CGGBP1: variants seen among roughly 807,000 people sequenced by gnomAD.
CGGBP1 encodes the protein CGG triplet repeat-binding protein 1.
A neutral mutation model predicts 11.4 loss-of-function variants in CGGBP1; 4 were observed. The observed-to-expected ratio is 0.35, with a 90% CI of 0.17 to 0.80. The LOEUF (loss-of-function observed/expected upper bound fraction) is 0.80. Among genes scored for constraint, CGGBP1 ranks in the 30% least tolerant of loss-of-function variants. The pLI, the probability that CGGBP1 is intolerant of heterozygous loss-of-function variation, is 0.52. For missense variants in CGGBP1, 135 were observed against 202.1 expected (o/e 0.67, Z 2.01); for synonymous variants, 76 against 74.1 (o/e 1.03, Z -0.13).
chr3:88,072,561 T>G (rs1403896588), intron 2 of CGGBP1, among the ~76,000 whole-genome samples: 2 of 152,198 alleles, frequency 1.3e-5, no homozygotes, highest in Admixed American at 1.3e-4. Context: ...CATTTGGATA[T>G]TATATAGTTT....
chr3:88,064,312 TTA>T (rs2107590939), intron 2 of CGGBP1, among the ~76,000 whole-genome samples: 1 of 152,316 alleles, frequency 6.6e-6, no homozygotes, highest in African/African-American at 2.4e-5. Flanking sequence ...AGGGACTATC[TTA>T]CTGTCTCACT....
At chr3:88,097,122 A>C (rs1475040436) in intron 2 of CGGBP1, among the ~76,000 whole-genome samples, 1 of 152,118 alleles carries the variant, frequency 6.6e-6, no homozygotes, top group South Asian at 2.1e-4. Context: ...ACAACCCTTT[A>C]ATGAATTACC....
chr3:88,120,425 T>C (rs1489068346), intron 2 of CGGBP1, among the ~76,000 whole-genome samples: 1 of 152,194 alleles, frequency 6.6e-6, no homozygotes, highest in East Asian at 1.9e-4. Flanking sequence ...TTATTAGGAA[T>C]GGGGAGGGAT....
At chr3:88,094,664 A>G (rs1329436685) in intron 2 of CGGBP1, among the ~76,000 whole-genome samples, 1 of 152,080 alleles carries the variant, frequency 6.6e-6, no homozygotes, top group Non-Finnish European at 1.5e-5. Context: ...TTATTCTTTA[A>G]AAGTTATTCT....
intron 2 of CGGBP1, among the ~76,000 whole-genome samples, chr3:88,131,324 A>G (rs1314321518): frequency 6.6e-6 from 1 of 152,212 alleles, no homozygotes; most frequent in Admixed American, 6.6e-5. Flanking sequence ...GTATAACTGT[A>G]GTTTTTGAAG....
intron 2 of CGGBP1, among the ~76,000 whole-genome samples, chr3:88,126,474 A>AT: frequency 6.6e-6 from 1 of 152,126 alleles, no homozygotes; most frequent in South Asian, 2.1e-4. Flanking sequence ...ATTTCTTGTA[A>AT]TGGAAATTCT....
intron 1 of CGGBP1, chr3:88,144,435 C>T (rs1384048078): frequency 6.6e-6 from 1 of 152,270 alleles, no homozygotes; most frequent in Admixed American, 6.6e-5. Flanking sequence ...TGAGTAAATG[C>T]TGCATATGCA....
chr3:88,095,972 G>A (rs1414489805), intron 2 of CGGBP1: 2 of 304,734 alleles, frequency 6.6e-6, no homozygotes, highest in Non-Finnish European at 1.2e-5. Flanking sequence ...TCTTTCCCGT[G>A]TTGCACTGTT....
chr3:88,054,591 CA>C lies in CGGBP1; in HGVS notation c.*881del. ...TAGAAAGTAATTTTATCTGATCTGT[CA>C]GCCAAAAAAAAATTACTAATTCTCT... On this transcript the variant is annotated 3_prime_UTR_variant, in exon 4 of 4. Transcript: ENST00000482016. 1 of 152,004 alleles carries C rather than the reference CA, an allele frequency of 6.6e-6. No individual in the cohort carries two copies. Among genetic ancestry groups the C allele is most frequent in the African/African-American group, 2.4e-5 (1 of 41,452 alleles). The allele number at this position is 152,004 out of a possible 1,614,324, so 9.4% of individuals were successfully genotyped here.
intron 2 of CGGBP1, chr3:88,128,981 G>A (rs1559729198): frequency 2.0e-6 from 3 of 1,534,056 alleles, no homozygotes; most frequent in South Asian, 1.2e-5. Context: ...GTCTGTTTAT[G>A]TCACCTGTAG....
intron 3 of CGGBP1, chr3:88,056,813 T>A (rs1310745307): frequency 6.6e-6 from 1 of 152,192 alleles, no homozygotes; most frequent in Non-Finnish European, 1.5e-5. Context: ...ATGGAAAAAG[T>A]ACGTATCTTC....
At chr3:88,118,410 T>C (rs1705546057) in intron 2 of CGGBP1, among the ~76,000 whole-genome samples, 1 of 152,146 alleles carries the variant, frequency 6.6e-6, no homozygotes, top group Non-Finnish European at 1.5e-5. Flanking sequence ...GCCAGCCACA[T>C]GAAAGGAGTT....
intron 2 of CGGBP1, among the ~76,000 whole-genome samples, chr3:88,071,320 G>A (rs1428220238): frequency 6.6e-6 from 1 of 151,880 alleles, no homozygotes; most frequent in Non-Finnish European, 1.5e-5. Flanking sequence ...GACCAGCCTG[G>A]CCAACATGGT....
intron 2 of CGGBP1, chr3:88,057,679 G>A (rs943122481): frequency 5.9e-5 from 9 of 152,178 alleles, no homozygotes; most frequent in Non-Finnish European, 1.0e-4. Flanking sequence ...TATGTAAAAA[G>A]TCTTGTATCT....
intron 2 of CGGBP1, among the ~76,000 whole-genome samples, chr3:88,102,021 A>G (rs962217408): frequency 6.6e-6 from 1 of 151,388 alleles, no homozygotes; most frequent in African/African-American, 2.5e-5. Flanking sequence ...ACTGAGTTCT[A>G]AGAATTCTTT....
chr3:88,065,967 C>T (rs1050573249), intron 2 of CGGBP1, among the ~76,000 whole-genome samples: 3 of 152,144 alleles, frequency 2.0e-5, no homozygotes, highest in Non-Finnish European at 4.4e-5. Flanking sequence ...CTCCTGAGGT[C>T]AAGCGAGTCA....
Position 88,135,286 on chromosome 3 carries a change from G to T in CGGBP1, c.-229+5684C>A, listed in dbSNP as rs182426972. 3.2e-4 allele frequency: 370 copies of T among 1,172,320 alleles called. 2 individuals carry two copies. In the East Asian group the frequency reaches 0.011, roughly 34 times the overall value. 72.6% of individuals were successfully genotyped at this position (1,172,320 alleles called of 1,614,324 possible). ...GAATCTCTTTTGATAAAATTTATTT[G>T]ATTTTAAAACTGAAGGAAAGGAGGA... is the stretch of plus-strand genomic sequence containing the variant. On this transcript the variant is annotated intron_variant, in intron 2 of 3. Transcript: ENST00000462901.
chr3:88,113,034 G>T, intron 2 of CGGBP1: 1 of 892,774 alleles, frequency 1.1e-6, no homozygotes, highest in Non-Finnish European at 1.7e-6. Context: ...ATTGATATTA[G>T]ATAGCTGATA....
rs1706525535 is a variant in CGGBP1, at chr3:88,055,675, A to G, written c.302T>C (p.Val101Ala). 1 of 1,614,052 alleles carries G rather than the reference A, an allele frequency of 6.2e-7. No individual in the cohort carries two copies. The highest frequency in any genetic ancestry group is 1.7e-5 in the Admixed American group (1 of 60,006). Reference sequence around the variant, plus strand: ...TTTCACAAAGTCCTGGATAACACTGACTTTCTCTGTTTGCGCAGTACTGTT... The same window carrying G: ...TTTCACAAAGTCCTGGATAACACTGGCTTTCTCTGTTTGCGCAGTACTGTT... ...QCNSTAQTEK[V>A]SVIQDFVKMC... is the part of the protein sequence containing the mutation. Residue 101 changes from valine (V) to alanine (A), a missense_variant, in exon 4 of 4, where the codon GTC becomes GCC. Physicochemically the swap from Val to Ala is moderately conservative, Grantham distance 64. Transcript: ENST00000482016. The surrounding 1 kb of genome is among the most constrained non-coding windows in gnomAD (Gnocchi z 4.2).
Sources: gnomAD v4.1 joint callset for allele counts (sites outside exome capture counted in the v4.1 genomes callset) on GRCh38, gnomAD v4.1.1 for gene constraint, Gnocchi (gnomAD v3.1) non-coding constraint, MANE v1.5 for transcripts, NCBI Gene and HGNC (gene_info 2026-07-23, HGNC 2026-07-21) for gene names.